TP63: variants seen among roughly 807,000 people sequenced by gnomAD.
TP63 encodes the protein tumor protein 63.
A neutral mutation model predicts 82.8 loss-of-function variants in TP63; 17 were observed. The ratio of observed to expected loss-of-function variants is 0.21; its 90% CI spans 0.14 to 0.31. The LOEUF (loss-of-function observed/expected upper bound fraction) is 0.31. Among genes scored for constraint, TP63 ranks in the 10% least tolerant of loss-of-function variants. TP63 has a pLI of 1.00. For synonymous variants in TP63, 330 were observed against 321.7 expected (o/e 1.03, Z -0.28); for missense variants, 648 against 895.3 (o/e 0.72, Z 3.52).
intron 1 of TP63, among the ~76,000 whole-genome samples, chr3:189,673,127 T>C (rs573128644): frequency 6.6e-6 from 1 of 152,190 alleles, no homozygotes; most frequent in African/African-American, 2.4e-5. Flanking sequence ...GCATGAGCCA[T>C]AGCACCCAGC....
intron 1 of TP63, among the ~76,000 whole-genome samples, chr3:189,734,866 C>CCAAGAT (rs1475348915): frequency 6.6e-6 from 1 of 152,154 alleles, no homozygotes; most frequent in Non-Finnish European, 1.5e-5. Flanking sequence ...CCATGCCATT[C>CCAAGAT]CCTTTCTTTC....
intron 4 of TP63, among the ~76,000 whole-genome samples, chr3:189,809,120 A>T (rs1292313306): frequency 6.6e-6 from 1 of 152,056 alleles, no homozygotes; most frequent in East Asian, 1.9e-4. Context: ...ATTGATATGT[A>T]TATATTTATT....
In TP63 at chr3:189,730,939, A is replaced by G. The variant is rs921717599; in HGVS notation, c.63-6801A>G. Among the ~76,000 whole-genome samples the G allele has an allele frequency of 5.3e-5, 8 of 152,380 alleles. No individual in the cohort carries two copies. In the East Asian group the frequency reaches 1.5e-3, roughly 29 times the overall value. On this transcript the variant is annotated intron_variant, in intron 1 of 13. Coordinates refer to ENST00000264731, the MANE Select transcript of TP63 (RefSeq NM_003722.5). Reference sequence around the variant, plus strand: ...TGTAGTTTTATAGCTTTAAGTTTGCATGCTCCAATGGGGAGTAAGTGTGGA... The same window carrying G: ...TGTAGTTTTATAGCTTTAAGTTTGCGTGCTCCAATGGGGAGTAAGTGTGGA...
At chr3:189,620,474 C>T in the TP63 span, among the ~76,000 whole-genome samples, 1 of 141,622 alleles carries the variant, frequency 7.1e-6, no homozygotes, top group Non-Finnish European at 1.5e-5. Flanking sequence ...TGCACCACTG[C>T]ACTCCAGTGT....
intron 1 of TP63, among the ~76,000 whole-genome samples, chr3:189,729,378 G>A (rs1719997170): frequency 6.6e-6 from 1 of 152,176 alleles, no homozygotes; most frequent in Non-Finnish European, 1.5e-5. Context: ...CATGGAAGAA[G>A]CAAGCCGTGA....
chr3:189,704,714 G>T (rs1400937204), intron 1 of TP63, among the ~76,000 whole-genome samples: 1 of 152,188 alleles, frequency 6.6e-6, no homozygotes, highest in Admixed American at 6.5e-5. Flanking sequence ...CGACAGAATA[G>T]GTTACCTGCA....
chr3:189,753,740 T>C (rs1034985504), intron 3 of TP63, among the ~76,000 whole-genome samples: 11 of 152,104 alleles, frequency 7.2e-5, no homozygotes, highest in African/African-American at 2.4e-4. Context: ...CTCCTCCCTT[T>C]CTTTTTATAC....
rs994175436 is a variant in TP63, at chr3:189,652,085, A to C, written c.62+20508A>C. ...AGGGAAATGTGGGGTTGGAGCTCCC[A>C]CACAACATCTTCACTGGGCCACTGC... is the stretch of plus-strand genomic sequence containing the variant. On this transcript the variant is annotated intron_variant, in intron 1 of 13. Transcript: ENST00000264731. 3.4e-5 allele frequency among the ~76,000 whole-genome samples: 5 copies of C among 146,598 alleles called. 1 individual carries two copies. Among genetic ancestry groups the C allele is most frequent in the African/African-American group, 5.1e-5 (2 of 39,070 alleles).
intron 1 of TP63, among the ~76,000 whole-genome samples, chr3:189,669,861 A>G (rs1331455106): frequency 2.6e-5 from 4 of 152,080 alleles, no homozygotes; most frequent in Non-Finnish European, 5.9e-5. Flanking sequence ...GGAATAAGAA[A>G]GCAGCAAAAA....
intron 3 of TP63, among the ~76,000 whole-genome samples, chr3:189,798,861 T>C (rs1222572664): frequency 6.6e-6 from 1 of 152,114 alleles, no homozygotes; most frequent in Non-Finnish European, 1.5e-5. Flanking sequence ...AGCTCAAAAC[T>C]TGAGTTTTAT....
intron 4 of TP63, among the ~76,000 whole-genome samples, chr3:189,833,487 G>A (rs572071679): frequency 1.1e-4 from 17 of 152,172 alleles, no homozygotes; most frequent in Non-Finnish European, 2.2e-4. Flanking sequence ...ATTCCCCTGT[G>A]ACCTGGGGAC....
intron 3 of TP63, among the ~76,000 whole-genome samples, chr3:189,793,494 G>T (rs181357331): frequency 3.9e-5 from 6 of 152,128 alleles, no homozygotes; most frequent in Admixed American, 3.9e-4. Context: ...GCTATAAAGG[G>T]AGTATATATC....
At chr3:189,741,892 A>C (rs987915263) in intron 3 of TP63, among the ~76,000 whole-genome samples, 6 of 152,182 alleles carry the variant, frequency 3.9e-5, no homozygotes, top group Non-Finnish European at 5.9e-5. Context: ...TCTCCAAAAA[A>C]TTTGACATTT....
chr3:189,788,490 A>G (rs1219000637), intron 3 of TP63, among the ~76,000 whole-genome samples: 2 of 147,824 alleles, frequency 1.4e-5, no homozygotes, highest in African/African-American at 5.0e-5. Flanking sequence ...TGTGTCTTCT[A>G]AATTTTAGAA....
rs1220054671 is a variant in TP63 at position 189,896,906 on chromosome 3, T to G, written c.*2404T>G. ...CAGCTCAATGCAGTTAGCTGAAGAA[T>G]TGAAAAGTTTTTGTTTGGAGACGTT... is the stretch of plus-strand genomic sequence containing the variant. On this transcript the variant is annotated 3_prime_UTR_variant, in exon 14 of 14. Coordinates refer to ENST00000264731, the MANE Select transcript of TP63 (RefSeq NM_003722.5). 1 of 223,036 alleles carries G rather than the reference T, an allele frequency of 4.5e-6. No individual in the cohort carries two copies. Among genetic ancestry groups the G allele is most frequent in the African/African-American group, 2.2e-5 (1 of 44,782 alleles). The allele number at this position is 223,036 out of a possible 1,614,324, so 13.8% of individuals were successfully genotyped here.
chr3:189,765,951 T>C (rs1036998614), intron 3 of TP63, among the ~76,000 whole-genome samples: 9 of 152,216 alleles, frequency 5.9e-5, no homozygotes, highest in African/African-American at 2.2e-4. Context: ...TAAATCTCCA[T>C]GCTCTTGCTT....
intron 4 of TP63, among the ~76,000 whole-genome samples, chr3:189,827,417 A>G (rs1366602415): frequency 1.3e-5 from 2 of 151,822 alleles, no homozygotes; most frequent in Admixed American, 6.6e-5. Flanking sequence ...TTGACCTTTC[A>G]TCTCTGGGTC....
At chr3:189,709,561 G>A (rs1250543693) in intron 1 of TP63, among the ~76,000 whole-genome samples, 1 of 152,050 alleles carries the variant, frequency 6.6e-6, no homozygotes, top group Non-Finnish European at 1.5e-5. Context: ...ATGCACTGAG[G>A]AGAACTTTTT....
chr3:189,803,461 TTAAG>T (rs796301267), intron 3 of TP63, among the ~76,000 whole-genome samples: 111 of 152,340 alleles, frequency 7.3e-4, no homozygotes, highest in African/African-American at 2.5e-3. Flanking sequence ...GTCATCAACT[TTAAG>T]TAAATATAAA....
Sources: allele counts gnomAD v4.1 joint callset (sites outside exome capture counted in the v4.1 genomes callset), GRCh38; gene constraint gnomAD v4.1.1; transcripts MANE v1.5; gene names NCBI Gene and HGNC (gene_info 2026-07-23, HGNC 2026-07-21).